Variants in CNOT1 observed in about 807,000 individuals in gnomAD.
CNOT1 encodes the protein CCR4-NOT transcription complex subunit 1.
In CNOT1, 15 loss-of-function variants were observed where a neutral mutation model predicts 273.8. That is an observed-to-expected ratio of 0.05 (90% CI 0.04 to 0.08). CNOT1 has a LOEUF of 0.08. CNOT1 is among the 10% of genes least tolerant of loss of function. The probability of loss-of-function intolerance (pLI) is 1.00; values close to 1 mark genes in which losing one functional copy is unlikely to be tolerated. For missense variants in CNOT1, 1,644 were observed against 2,912.2 expected (o/e 0.56, Z 10.02); for synonymous variants, 1,022 against 1,005.5 (o/e 1.02, Z -0.31).
In CNOT1 at chr16:58,555,317, A is replaced by G; in HGVS notation, c.2825T>C (p.Leu942Ser). The G allele has an allele frequency of 6.2e-7, 1 of 1,614,190 alleles. No homozygotes were observed. Among genetic ancestry groups the G allele is most frequent in the Non-Finnish European group, 8.5e-7 (1 of 1,180,026 alleles). The change falls in exon 21 of 49, where the codon TTA becomes TCA. Residue 942 changes from leucine (L) to serine (S), a missense_variant. Physicochemically the swap from Leu to Ser is moderately radical, Grantham distance 145. Coordinates refer to ENST00000317147, the MANE Select transcript of CNOT1 (RefSeq NM_016284.5). ...GLALRYVLEA[L>S]RKPFGSKMYY... Reference sequence around the variant, plus strand: ...CATTTTGGATCCAAAAGGCTTGCGTAAGGCTTCAAGAACATATCGTAGAGC... The same window carrying G: ...CATTTTGGATCCAAAAGGCTTGCGTGAGGCTTCAAGAACATATCGTAGAGC...
chr16:58,575,191 T>C, intron 14 of CNOT1, 62 bp from the exon 15 acceptor site: 3 of 1,569,638 alleles, frequency 1.9e-6, no homozygotes, highest in Non-Finnish European at 2.6e-6. Context: ...CTCTGTCCCA[T>C]ATTCTGTTTT....
intron 1 of CNOT1, among the ~76,000 whole-genome samples, chr16:58,625,882 T>G (rs1034187135): frequency 6.6e-5 from 9 of 135,986 alleles, no homozygotes; most frequent in Admixed American, 2.9e-4. Context: ...AAAAAACTAT[T>G]GTATACACTG....
At chr16:58,608,861 G>A (rs1226420347) in intron 1 of CNOT1, among the ~76,000 whole-genome samples, 1 of 152,170 alleles carries the variant, frequency 6.6e-6, no homozygotes, top group Non-Finnish European at 1.5e-5. Context: ...AAGTCAATCA[G>A]GAATGGAAAA....
intron 18 of CNOT1, among the ~76,000 whole-genome samples, chr16:58,558,162 T>G (rs2040703545): frequency 6.6e-6 from 1 of 152,124 alleles, no homozygotes; most frequent in South Asian, 2.1e-4. Context: ...AAGCTGTGAG[T>G]TTTTGATCTA....
chr16:58,536,842 T>C (rs916122572), intron 39 of CNOT1, 147 bp downstream of exon 39: 166 of 1,302,926 alleles, frequency 1.3e-4, no homozygotes, highest in Non-Finnish European at 1.7e-4. Flanking sequence ...CAGGCTGTAA[T>C]TTAACCATAT....
intron 16 of CNOT1, among the ~76,000 whole-genome samples, chr16:58,568,325 GC>G (rs2041132651): frequency 1.3e-5 from 2 of 151,036 alleles, no homozygotes; most frequent in Admixed American, 6.6e-5. Flanking sequence ...CCGAGATTGT[GC>G]CACTGCACTC....
At chr16:58,625,830 C>A (rs1005967514) in intron 1 of CNOT1, among the ~76,000 whole-genome samples, 1 of 145,872 alleles carries the variant, frequency 6.9e-6, no homozygotes, top group Non-Finnish European at 1.5e-5. Flanking sequence ...TGCACTCCAG[C>A]CTAGGCATTG....
At chr16:58,538,104 A>C (rs747933867) in intron 37 of CNOT1, 44 bp from the exon 38 acceptor site, 6 of 1,613,854 alleles carry the variant, frequency 3.7e-6, no homozygotes, top group Non-Finnish European at 4.2e-6. Flanking sequence ...AACACTTAAG[A>C]GCAAACGTAC....
rs2039954456 is a variant in CNOT1 at position 58,537,284 on chromosome 16, AT to A, written c.5415-65del. On this transcript the variant is annotated intron_variant, in intron 38 of 48. Coordinates refer to ENST00000317147, the MANE Select transcript of CNOT1 (RefSeq NM_016284.5). ...TAGTTGTGATTTTACAGACATACGC[AT>A]GTATAGTTTGCTTATTTAACAGCAA... is the stretch of plus-strand genomic sequence containing the variant. 3 of 1,518,494 alleles carry A rather than the reference AT, an allele frequency of 2.0e-6. No individual in the cohort carries two copies. The African/African-American group carries it at 4.2e-5, about 21-fold the overall frequency. The allele number at this position is 1,518,494 out of a possible 1,614,324, so 94.1% of individuals were successfully genotyped here. A position where few individuals can be genotyped will look rare whatever the true frequency, so the allele number is the denominator to read the frequency against.
At chr16:58,576,197 G>T (rs769732684) in intron 14 of CNOT1, among the ~76,000 whole-genome samples, 3 of 151,362 alleles carry the variant, frequency 2.0e-5, no homozygotes, top group Non-Finnish European at 4.4e-5. Context: ...CACAACCTCC[G>T]CCTCCCAGGT....
chr16:58,599,430 G>C lies in CNOT1; in HGVS notation c.-93C>G, dbSNP rs2042386629. ...TCAGAGGCAGGTTAATGCTTTCTTT[G>C]TAATTAGGCTATATCTGGTATCTGT... On this transcript the variant is annotated 5_prime_UTR_variant, in exon 2 of 49. Coordinates refer to ENST00000317147, the MANE Select transcript of CNOT1 (RefSeq NM_016284.5). 7.4e-6 allele frequency: 11 copies of C among 1,485,762 alleles called. No homozygotes were observed. Among genetic ancestry groups the C allele is most frequent in the Non-Finnish European group, 1.0e-5 (11 of 1,078,750 alleles). 92.0% of individuals were successfully genotyped at this position (1,485,762 alleles called of 1,614,324 possible).
chr16:58,563,387 A>T (rs1981961), intron 16 of CNOT1, among the ~76,000 whole-genome samples: 113,876 of 151,528 alleles, frequency 0.75, 43,186 homozygotes, highest in Middle Eastern at 0.86. Context: ...CTAGGTTTCT[A>T]ACAGTATACT....
At chr16:58,604,005 T>C (rs899437725) in intron 1 of CNOT1, among the ~76,000 whole-genome samples, 4 of 152,226 alleles carry the variant, frequency 2.6e-5, no homozygotes, top group African/African-American at 9.6e-5. Context: ...ATTTGCTCAA[T>C]GAATAGATAT....
intron 14 of CNOT1, 83 bp from the exon 15 acceptor site, chr16:58,575,212 C>A: frequency 6.5e-7 from 1 of 1,538,380 alleles, no homozygotes; most frequent in Non-Finnish European, 8.7e-7. Flanking sequence ...TCGCTTTCCA[C>A]AAACAAGTTC....
At chr16:58,567,827 A>C (rs1160684146) in intron 16 of CNOT1, among the ~76,000 whole-genome samples, 1 of 152,204 alleles carries the variant, frequency 6.6e-6, no homozygotes, top group Non-Finnish European at 1.5e-5. Context: ...TGAGAGGTGA[A>C]TCAAAACAGG....
rs374789563 is a variant in CNOT1 at position 58,555,913 on chromosome 16, T to C, written c.2480-5A>G. The C allele has an allele frequency of 9.4e-4, 1,509 of 1,610,394 alleles. No individual in the cohort carries two copies. The highest frequency in any genetic ancestry group is 1.2e-3 in the Non-Finnish European group (1,443 of 1,179,768). ...GCCACACCTGAGACAAGTCCGCTGTTGGAAACAAAAAAGGAATCAGTGGGC... is the reference window on the plus strand; with the variant it reads ...GCCACACCTGAGACAAGTCCGCTGTCGGAAACAAAAAAGGAATCAGTGGGC... On this transcript the variant is annotated splice_region_variant and splice_polypyrimidine_tract_variant and intron_variant, in intron 19 of 48. Coordinates refer to ENST00000317147, the MANE Select transcript of CNOT1 (RefSeq NM_016284.5).
chr16:58,607,188 C>A (rs538816041), intron 1 of CNOT1, among the ~76,000 whole-genome samples: 1 of 148,274 alleles, frequency 6.7e-6, no homozygotes, highest in African/African-American at 2.5e-5. Context: ...CTAAAAAAGT[C>A]CAGAAATCTA....
Position 58,587,844 on chromosome 16 carries a change from A to T in CNOT1, c.245T>A (p.Ile82Asn). Residue 82 changes from isoleucine (I) to asparagine (N), a missense_variant, in exon 4 of 49, where the codon ATT becomes AAT. Physicochemically the swap from Ile to Asn is moderately radical, Grantham distance 149. Coordinates refer to ENST00000317147, the MANE Select transcript of CNOT1 (RefSeq NM_016284.5). ...QFLIQECALLITKPNFISTLS... is the reference protein window; with the variant it reads ...QFLIQECALLNTKPNFISTLS... ...CGTCGAGATAAAATTTGGCTTTGTA[A>T]TCAGCAACGCACACTCCTGAATCAG... The T allele has an allele frequency of 6.2e-7, 1 of 1,613,822 alleles. No individual in the cohort carries two copies. The highest frequency in any genetic ancestry group is 8.5e-7 in the Non-Finnish European group (1 of 1,180,024).
chr16:58,544,766 T>C (rs1395138588), intron 30 of CNOT1, among the ~76,000 whole-genome samples: 1 of 152,178 alleles, frequency 6.6e-6, no homozygotes, highest in African/African-American at 2.4e-5. Flanking sequence ...TTAAGTAGAA[T>C]AAAAGACTAA....
Sources: allele counts gnomAD v4.1 joint callset (sites outside exome capture counted in the v4.1 genomes callset), GRCh38; gene constraint gnomAD v4.1.1; transcripts MANE v1.5; gene names NCBI Gene and HGNC (gene_info 2026-07-23, HGNC 2026-07-21).